The following NPAS3 variants were observed in gnomAD, a reference collection of about 807,000 sequenced individuals.
NPAS3 encodes the protein neuronal PAS domain protein 3.
Under a neutral mutation model 73.1 loss-of-function variants are expected in NPAS3, and 14 were observed. The observed-to-expected ratio is 0.19, with a 90% CI of 0.13 to 0.30. The LOEUF (loss-of-function observed/expected upper bound fraction) is 0.30. Ranked by LOEUF, NPAS3 falls within the 10% of genes least tolerant of loss-of-function variation. The pLI is 1.00. For synonymous variants in NPAS3, 620 were observed against 541.5 expected (o/e 1.14, Z -2.01); for missense variants, 1,096 against 1,250.0 (o/e 0.88, Z 1.86).
intron 1 of NPAS3, among the ~76,000 whole-genome samples, chr14:32,989,684 AAAAAC>A (rs2038250342): frequency 6.6e-6 from 1 of 151,960 alleles, no homozygotes; most frequent in Non-Finnish European, 1.5e-5. Context: ...ACAAAACAAA[AAAAAC>A]CTTGTATTCT....
chr14:33,237,845 A>G (rs993523785), intron 3 of NPAS3, among the ~76,000 whole-genome samples: 2 of 151,838 alleles, frequency 1.3e-5, no homozygotes, highest in Non-Finnish European at 2.9e-5. Context: ...AATGCAGTAT[A>G]TAAACTATGC....
At chr14:33,703,304 G>A (rs1191023598) in intron 6 of NPAS3, among the ~76,000 whole-genome samples, 1 of 152,048 alleles carries the variant, frequency 6.6e-6, no homozygotes, top group Non-Finnish European at 1.5e-5. Flanking sequence ...GTGCCACACA[G>A]TGAGACCCCC....
intron 5 of NPAS3, among the ~76,000 whole-genome samples, chr14:33,674,207 C>T (rs1221121118): frequency 6.6e-6 from 1 of 152,116 alleles, no homozygotes; most frequent in Non-Finnish European, 1.5e-5. Context: ...CTTACATGAA[C>T]ATTCAATAAC....
chr14:33,758,136 T>TA (rs2062172372), intron 7 of NPAS3, among the ~76,000 whole-genome samples: 1 of 152,206 alleles, frequency 6.6e-6, no homozygotes, highest in Non-Finnish European at 1.5e-5. Context: ...AACTCCTTTG[T>TA]ACAGCATTCA....
intron 11 of NPAS3, among the ~76,000 whole-genome samples, chr14:33,799,529 T>C (rs2063617106): frequency 6.6e-6 from 1 of 152,202 alleles, no homozygotes; most frequent in East Asian, 1.9e-4. Context: ...TGAGTAACCA[T>C]CCAGCTAACC....
At position 33,380,364 on chromosome 14, in the gene NPAS3, A is replaced by G. The variant is rs1271408759; in HGVS notation, c.468+13096A>G. ...ATCCTGCTTGGGGGAGGAGGGGTGC[A>G]GGGTATAGGACTCGCTACTATCTTC... On this transcript the variant is annotated intron_variant, in intron 4 of 11. Coordinates refer to ENST00000356141, the Ensembl canonical transcript of NPAS3. Among the ~76,000 whole-genome samples, 5 of 152,182 alleles carry G rather than the reference A, an allele frequency of 3.3e-5. No individual in the cohort carries two copies. In the East Asian group the frequency reaches 9.7e-4, roughly 30 times the overall value.
chr14:33,769,708 C>T (rs1170692761), intron 7 of NPAS3, among the ~76,000 whole-genome samples: 1 of 143,294 alleles, frequency 7.0e-6, no homozygotes, highest in Non-Finnish European at 1.5e-5. Context: ...ACTTTGCACA[C>T]ATTTTCATTC....
intron 2 of NPAS3, among the ~76,000 whole-genome samples, chr14:33,094,487 A>G (rs2042338424): frequency 7.0e-6 from 1 of 142,906 alleles, no homozygotes; most frequent in Non-Finnish European, 1.5e-5. Context: ...TTTTTTTGAG[A>G]TGGAGTCTCA....
intron 3 of NPAS3, among the ~76,000 whole-genome samples, chr14:33,247,846 A>C (rs2048445767): frequency 6.6e-6 from 1 of 152,232 alleles, no homozygotes; most frequent in Non-Finnish European, 1.5e-5. Flanking sequence ...GATGAAAACT[A>C]TAGAGAATAT....
At chr14:33,528,682 C>T (rs184473353) in intron 4 of NPAS3, among the ~76,000 whole-genome samples, 2 of 152,156 alleles carry the variant, frequency 1.3e-5, no homozygotes, top group Admixed American at 6.5e-5. Context: ...AGTGGACCAG[C>T]AAGGGAGGTA....
chr14:33,325,639 C>CA (rs1164467989), intron 3 of NPAS3, among the ~76,000 whole-genome samples: 3,086 of 61,832 alleles, frequency 0.05, 154 homozygotes, highest in African/African-American at 0.13. Flanking sequence ...GACTCCGTCT[C>CA]AAAAAAAAAA....
At chr14:33,094,203 A>G (rs2042328096) in intron 2 of NPAS3, among the ~76,000 whole-genome samples, 1 of 152,062 alleles carries the variant, frequency 6.6e-6, no homozygotes, top group Non-Finnish European at 1.5e-5. Context: ...ATTTATTTTC[A>G]TCTATTCAGA....
intron 4 of NPAS3, among the ~76,000 whole-genome samples, chr14:33,381,068 A>T (rs970913459): frequency 1.4e-4 from 21 of 152,184 alleles, no homozygotes; most frequent in Admixed American, 2.0e-4. Flanking sequence ...GATAATATCA[A>T]TGACTATTTT....
intron 3 of NPAS3, among the ~76,000 whole-genome samples, chr14:33,310,860 G>A (rs1049579541): frequency 2.5e-4 from 37 of 150,578 alleles, no homozygotes; most frequent in Middle Eastern, 3.2e-3. Context: ...AACAACCTTA[G>A]TATTAAGACT....
chr14:33,490,061 T>C (rs2051817274), intron 4 of NPAS3, among the ~76,000 whole-genome samples: 1 of 152,168 alleles, frequency 6.6e-6, no homozygotes. Flanking sequence ...ATTCATGAAG[T>C]AGGATCTTTT....
At chr14:33,540,554 C>G (rs530098677) in intron 4 of NPAS3, among the ~76,000 whole-genome samples, 1 of 152,262 alleles carries the variant, frequency 6.6e-6, no homozygotes, top group African/African-American at 2.4e-5. Context: ...CTGGCTACAA[C>G]AAGACATACT....
intron 4 of NPAS3, among the ~76,000 whole-genome samples, chr14:33,409,184 G>C (rs754834791): frequency 6.6e-6 from 1 of 152,170 alleles, no homozygotes; most frequent in African/African-American, 2.4e-5. Flanking sequence ...AACTTGTAAG[G>C]TTGTGGGGAG....
At chr14:33,269,016 G>A (rs969006080) in intron 3 of NPAS3, among the ~76,000 whole-genome samples, 2 of 152,094 alleles carry the variant, frequency 1.3e-5, no homozygotes, top group African/African-American at 2.4e-5. Context: ...GTAAAGCTGC[G>A]ATCTAGTGCA....
chr14:33,424,625 T>C (rs1165180692), intron 4 of NPAS3, among the ~76,000 whole-genome samples: 1 of 151,146 alleles, frequency 6.6e-6, no homozygotes, highest in African/African-American at 2.4e-5. Context: ...AAACAAGGTA[T>C]AAAGGATAAG....
Sources: allele counts gnomAD v4.1 joint callset (sites outside exome capture counted in the v4.1 genomes callset), GRCh38; gene constraint gnomAD v4.1.1; transcripts MANE v1.5; gene names NCBI Gene and HGNC (gene_info 2026-07-23, HGNC 2026-07-21).